The following BTBD10 variants were observed in gnomAD, a reference collection of about 807,000 sequenced individuals.
The protein encoded by BTBD10 is BTB/POZ domain-containing protein 10.
In BTBD10, 21 loss-of-function variants were observed where a neutral mutation model predicts 53.2. The observed-to-expected ratio is 0.39, with a 90% CI of 0.28 to 0.57. BTBD10 has a LOEUF of 0.57. BTBD10 is among the 20% of genes least tolerant of loss of function. The pLI is 0.53. For missense variants in BTBD10, 360 were observed against 594.7 expected (o/e 0.61, Z 4.10); for synonymous variants, 149 against 192.7 (o/e 0.77, Z 1.88).
intron 2 of BTBD10, among the ~76,000 whole-genome samples, chr11:13,423,290 C>T (rs1294968567): frequency 9.2e-5 from 14 of 152,076 alleles, no homozygotes; most frequent in Non-Finnish European, 7.4e-5. Context: ...GTAAAATTGT[C>T]CTCTAATGCT....
At chr11:13,411,458 G>GT (rs947085320) in intron 6 of BTBD10, among the ~76,000 whole-genome samples, 16 of 151,388 alleles carry the variant, frequency 1.1e-4, no homozygotes, top group South Asian at 2.1e-4. Flanking sequence ...ATTCTATATA[G>GT]TTTTTTTTTA....
chr11:13,437,995 G>C (rs992329816), intron 2 of BTBD10, among the ~76,000 whole-genome samples: 15 of 152,042 alleles, frequency 9.9e-5, no homozygotes, highest in Admixed American at 5.2e-4. Context: ...TGGCCTTCAT[G>C]TCCTTCCTAT....
At chr11:13,402,911 C>A (rs540900807) in intron 8 of BTBD10, among the ~76,000 whole-genome samples, 3 of 152,204 alleles carry the variant, frequency 2.0e-5, no homozygotes, top group African/African-American at 7.2e-5. Flanking sequence ...TGAATTAGGG[C>A]AAACTAGGGC....
rs1180500594 is a variant in BTBD10, at chr11:13,417,225, C to T, written c.620G>A (p.Arg207Gln). The T allele has an allele frequency of 3.7e-6, 6 of 1,613,258 alleles. No individual in the cohort carries two copies. Among genetic ancestry groups the T allele is most frequent in the East Asian group, 2.2e-5 (1 of 44,824 alleles). The stretch of plus-strand genomic sequence containing the variant: ...CTCATACTCTCCTTTCTCATTGGGT[C>T]GTGTAAAGTTATGTTCTCGGCCAGA... ...FGSGREHNFT[R>Q]PNEKGEYEVA... is the part of the protein sequence containing the mutation. Residue 207 changes from arginine (R) to glutamine (Q), a missense_variant, in exon 5 of 9, where the codon CGA becomes CAA. Arg to Gln is a conservative substitution (Grantham distance 43). Around this residue, in one of 6 missense-constraint regions of BTBD10, gnomAD observed 91 missense variants for 171.7 expected, o/e 0.53. Transcript: ENST00000278174.
At chr11:13,398,493 T>A (rs2135750525) in intron 8 of BTBD10, among the ~76,000 whole-genome samples, 1 of 152,336 alleles carries the variant, frequency 6.6e-6, no homozygotes, top group South Asian at 2.1e-4. Context: ...TGACTCTTTA[T>A]CCAATTTGCC....
chr11:13,418,787 T>C (rs1255919545), intron 4 of BTBD10, among the ~76,000 whole-genome samples: 1 of 152,084 alleles, frequency 6.6e-6, no homozygotes, highest in Non-Finnish European at 1.5e-5. Flanking sequence ...TGAACAAAGA[T>C]ACTGATTTTG....
intron 8 of BTBD10, among the ~76,000 whole-genome samples, chr11:13,389,987 A>G (rs11022785): frequency 0.14 from 21,756 of 152,094 alleles, 2,086 homozygotes; most frequent in East Asian, 0.51. Flanking sequence ...CATTCAATTT[A>G]CAGTCACATT....
intron 1 of BTBD10, among the ~76,000 whole-genome samples, chr11:13,460,947 T>C (rs1239242690): frequency 2.6e-5 from 4 of 152,256 alleles, no homozygotes; most frequent in Non-Finnish European, 5.9e-5. Context: ...CTCAGAACTC[T>C]GAGTTTTTAA....
chr11:13,409,863 T>C (rs1015853446), intron 6 of BTBD10, among the ~76,000 whole-genome samples: 9 of 152,176 alleles, frequency 5.9e-5, no homozygotes, highest in African/African-American at 2.2e-4. Context: ...ATATGTACTA[T>C]ATGCATGAAA....
intron 3 of BTBD10, among the ~76,000 whole-genome samples, chr11:13,421,108 T>TATC (rs145460242): frequency 0.78 from 118,249 of 151,846 alleles, 46,857 homozygotes; most frequent in Middle Eastern, 0.87. Context: ...TTTATAGTTA[T>TATC]ATGTGTTCAC....
At chr11:13,424,175 A>G (rs1253654333) in intron 2 of BTBD10, among the ~76,000 whole-genome samples, 1 of 152,222 alleles carries the variant, frequency 6.6e-6, no homozygotes, top group African/African-American at 2.4e-5. Context: ...ACTATAAGAA[A>G]GCACATTATC....
At chr11:13,404,511 T>G (rs956937466) in intron 7 of BTBD10, 3 of 667,338 alleles carry the variant, frequency 4.5e-6, no homozygotes, top group South Asian at 6.7e-5. Flanking sequence ...AAAATGTAAG[T>G]TATAAGCTTG....
intron 7 of BTBD10, 44 bp from the exon 8 acceptor site, chr11:13,403,322 T>A (rs751286949): frequency 1.8e-6 from 2 of 1,113,980 alleles, no homozygotes; most frequent in Non-Finnish European, 2.5e-6. Context: ...AATTAAAGGA[T>A]TTAGAGATGA....
chr11:13,401,788 T>C (rs1433153382), intron 8 of BTBD10, among the ~76,000 whole-genome samples: 2 of 152,222 alleles, frequency 1.3e-5, no homozygotes, highest in Non-Finnish European at 2.9e-5. Flanking sequence ...CTCCTTATCA[T>C]GGCCTATAAG....
chr11:13,403,124 T>C, intron 8 of BTBD10, 44 bp downstream of exon 8: 1 of 1,208,572 alleles, frequency 8.3e-7, no homozygotes, highest in Non-Finnish European at 1.2e-6. Flanking sequence ...TTAACCTTTT[T>C]GTTTTAAAAA....
chr11:13,403,123 T>C, intron 8 of BTBD10, 45 bp downstream of exon 8: 1 of 1,204,990 alleles, frequency 8.3e-7, no homozygotes, highest in Non-Finnish European at 1.2e-6. Flanking sequence ...TTTAACCTTT[T>C]TGTTTTAAAA....
intron 3 of BTBD10, among the ~76,000 whole-genome samples, chr11:13,420,225 G>A (rs1000859778): frequency 6.6e-6 from 1 of 151,790 alleles, no homozygotes; most frequent in African/African-American, 2.4e-5. Flanking sequence ...ACGTTAATAA[G>A]GGCATTCTAA....
chr11:13,414,286 T>C (rs1443792986), intron 5 of BTBD10, among the ~76,000 whole-genome samples: 2 of 152,188 alleles, frequency 1.3e-5, no homozygotes. Flanking sequence ...ACTTCAGAGA[T>C]GAGTGATAAA....
At chr11:13,444,970 T>C in intron 2 of BTBD10, 54 bp downstream of exon 2, 1 of 1,407,682 alleles carries the variant, frequency 7.1e-7, no homozygotes, top group Non-Finnish European at 1.0e-6. Context: ...TAGTATTCTT[T>C]ACAATCAGTT....
Sources: allele counts gnomAD v4.1 joint callset (sites outside exome capture counted in the v4.1 genomes callset), GRCh38; gene constraint gnomAD v4.1.1; regional missense constraint gnomAD v4.1.1; transcripts MANE v1.5; gene names NCBI Gene and HGNC (gene_info 2026-07-23, HGNC 2026-07-21).